Variants in CFAP65 observed in about 807,000 individuals in gnomAD.
The protein encoded by CFAP65 is cilia- and flagella-associated protein 65.
In CFAP65, 155 loss-of-function variants were observed where a neutral mutation model predicts 208.0. The observed-to-expected ratio is 0.75, with a 90% CI of 0.65 to 0.85. The LOEUF (loss-of-function observed/expected upper bound fraction) is 0.85, where lower values mean the gene tolerates loss of function less well. Among genes scored for constraint, CFAP65 ranks in the 40% least tolerant of loss-of-function variants. The probability of loss-of-function intolerance (pLI) is 0.00; values close to 1 mark genes in which losing one functional copy is unlikely to be tolerated. For missense variants in CFAP65, 2,294 were observed against 2,451.3 expected, an observed-to-expected ratio of 0.94 and a Z score of 1.36; for synonymous variants, 970 against 986.3, an observed-to-expected ratio of 0.98 and a Z score of 0.31.
In CFAP65 at chr2:219,038,753, C is replaced by T. The variant is rs544769418; in HGVS notation, c.153+143G>A. On this transcript the variant is annotated intron_variant, in intron 3 of 34. Coordinates refer to ENST00000341552, the MANE Select transcript of CFAP65 (RefSeq NM_194302.4). The stretch of plus-strand genomic sequence containing the variant: ...GCTGTACACGAGATCCAGGGCTTTG[C>T]CTGGGAGCCCAGGGACTCACCCTCA... 3.4e-5 allele frequency: 39 copies of T among 1,144,800 alleles called. No individual in the cohort carries two copies. In the East Asian group the frequency reaches 8.8e-4, roughly 26 times the overall value. The allele number at this position is 1,144,800 out of a possible 1,614,324, so 70.9% of individuals were successfully genotyped here.
At chr2:219,010,412 G>A in intron 26 of CFAP65, 134 bp downstream of exon 26, 2 of 944,430 alleles carry the variant, frequency 2.1e-6, no homozygotes, top group Non-Finnish European at 3.1e-6. Context: ...GAGTTCCAAG[G>A]TCTCATCTCT....
rs1947279351 is a variant in CFAP65 at position 219,021,776 on chromosome 2, G to A, written c.3130+4C>T. 1 of 1,613,188 alleles carries A rather than the reference G, an allele frequency of 6.2e-7. No individual in the cohort carries two copies. Among genetic ancestry groups the A allele is most frequent in the Non-Finnish European group, 8.5e-7 (1 of 1,179,888 alleles). ...GGCCCCAGTCCCAGCTCAGGCCCAA[G>A]TACCGAGGGGGTGGTTGTCAACGGC... On this transcript the variant is annotated splice_donor_region_variant and intron_variant, in intron 18 of 34. Coordinates refer to ENST00000341552, the MANE Select transcript of CFAP65 (RefSeq NM_194302.4).
In CFAP65 at chr2:219,010,635, G is replaced by T; in HGVS notation, c.4219C>A (p.Pro1407Thr). 6.2e-7 allele frequency: 1 copy of T among 1,612,030 alleles called. No homozygotes were observed. Among genetic ancestry groups the T allele is most frequent in the Non-Finnish European group, 8.5e-7 (1 of 1,179,558 alleles). Reference sequence around the variant, plus strand: ...GGGGCTGTGTCCCCCATCATATGGGGGTTGTAGCCCACTCCCTGGAAGTGG... The same window carrying T: ...GGGGCTGTGTCCCCCATCATATGGGTGTTGTAGCCCACTCCCTGGAAGTGG... ...LIHFQGVGYN[P>T]HMMGDTAPFH... Residue 1407 changes from proline (P) to threonine (T), a missense_variant, in exon 26 of 35, where the codon CCC becomes ACC. This residue lies in a region of CFAP65 where 1,427 missense variants were observed against 1,438.7 expected (regional missense o/e 0.99). Coordinates refer to ENST00000341552, the MANE Select transcript of CFAP65 (RefSeq NM_194302.4).
In CFAP65 at chr2:219,029,943, G is replaced by T. The variant is rs760953965; in HGVS notation, c.1384+43C>A. The T allele has an allele frequency of 3.8e-6, 6 of 1,571,466 alleles. 1 individual carries two copies. Among genetic ancestry groups the T allele is most frequent in the South Asian group, 2.2e-5 (2 of 89,950 alleles). On this transcript the variant is annotated intron_variant, in intron 10 of 34. Transcript: ENST00000341552. ...GGAGCTCTTCAGAATCCTCAGCAGG[G>T]GCTGCTCCTGTCCCCAGGGGAGGCC...
intron 18 of CFAP65, 73 bp from the exon 19 acceptor site, chr2:219,021,353 C>T: frequency 6.9e-7 from 1 of 1,451,192 alleles, no homozygotes; most frequent in Non-Finnish European, 9.1e-7. Context: ...TTTGTAGATA[C>T]CCTTCCCTGG....
rs1287555872 is a variant in CFAP65 at position 219,004,442 on chromosome 2, C to G, written c.5065G>C (p.Asp1689His). 2 of 1,608,992 alleles carry G rather than the reference C, an allele frequency of 1.2e-6. No individual in the cohort carries two copies. The highest frequency in any genetic ancestry group is 1.7e-6 in the Non-Finnish European group (2 of 1,177,364). Residue 1689 changes from aspartate to histidine, a missense_variant, in exon 33 of 35, where the codon GAC becomes CAC. Physicochemically the swap from Asp to His is moderately conservative, Grantham distance 81. This residue lies in a region of CFAP65 where 1,427 missense variants were observed against 1,438.7 expected (regional missense o/e 0.99). Coordinates refer to ENST00000341552, the MANE Select transcript of CFAP65 (RefSeq NM_194302.4). The surrounding 1 kb of genome is among the most constrained non-coding windows in gnomAD (Gnocchi z 4.7). ...TCCACAGCCTCATGGAAGTTCTTGTCTTCCAGCAGGCCCCTAGGTGGCAGG... is the reference window on the plus strand; with the variant it reads ...TCCACAGCCTCATGGAAGTTCTTGTGTTCCAGCAGGCCCCTAGGTGGCAGG... ...LTTIIRGLLE[D>H]KNFHEAVDQS... is the part of the protein sequence containing the mutation.
chr2:219,035,393 T>G (rs745845009), intron 5 of CFAP65, 87 bp downstream of exon 5: 3 of 1,611,286 alleles, frequency 1.9e-6, no homozygotes, highest in Admixed American at 1.7e-5. Context: ...TAAAGGTTTT[T>G]TTTGTTTGTT....
Position 219,024,091 on chromosome 2 carries a change from C to A in CFAP65, c.2519G>T (p.Cys840Phe), listed in dbSNP as rs1430155791. Residue 840 changes from cysteine (C) to phenylalanine (F), a missense_variant, in exon 15 of 35, where the codon TGC (cysteine) becomes TTC (phenylalanine). Cys to Phe is a radical substitution (Grantham distance 205). Coordinates refer to ENST00000341552, the MANE Select transcript of CFAP65 (RefSeq NM_194302.4). ...APGAHQIILI[C>F]TYPEGSSWKQ... Reference sequence around the variant, plus strand: ...CCAGGAGCTGCCCTCAGGGTAGGTGCAGATGAGGATGATCTGGTGGGCCCC... The same window carrying A: ...CCAGGAGCTGCCCTCAGGGTAGGTGAAGATGAGGATGATCTGGTGGGCCCC... The A allele has an allele frequency of 6.2e-7, 1 of 1,613,950 alleles. No individual in the cohort carries two copies. Among genetic ancestry groups the A allele is most frequent in the Non-Finnish European group, 8.5e-7 (1 of 1,180,046 alleles).
At chr2:219,023,157 G>A (rs1331586869) in intron 16 of CFAP65, 50 bp downstream of exon 16, 4 of 1,483,402 alleles carry the variant, frequency 2.7e-6, no homozygotes, top group Non-Finnish European at 3.7e-6. Flanking sequence ...ACAAATAAGA[G>A]ATGACAGAAG....
Position 219,024,440 on chromosome 2 carries a change from A to G in CFAP65, c.2350-180T>C, listed in dbSNP as rs540099764. 5.2e-5 allele frequency among the ~76,000 whole-genome samples: 6 copies of G among 115,006 alleles called. No homozygotes were observed. The South Asian group carries it at 1.8e-3, about 35-fold the overall frequency. 75.4% of individuals were successfully genotyped at this position (115,006 alleles called of 152,430 possible). On this transcript the variant is annotated intron_variant, in intron 14 of 34. Transcript: ENST00000341552. ...AGGAGGCCACGAGCTGACACCAAAG[A>G]ATGCTTTTGTTCTCCAGAGACCTCC...
intron 13 of CFAP65, chr2:219,026,712 G>A: frequency 1.1e-6 from 1 of 881,574 alleles, no homozygotes; most frequent in Non-Finnish European, 1.4e-6. Flanking sequence ...ATTGGGACCA[G>A]CCACATATTA....
In CFAP65 at chr2:219,030,116, C is replaced by T. The variant is rs572839249; in HGVS notation, c.1254G>A (p.Pro418=). Residue 418 remains proline, a synonymous_variant, in exon 10 of 35, where the codon CCG becomes CCA. Coordinates refer to ENST00000341552, the MANE Select transcript of CFAP65 (RefSeq NM_194302.4). ...ACACCGACACACATTTCTTCTCTCC[C>T]GGAAGCACGATGCCATGGGCCGTGG... The part of the protein sequence containing the change: ...SCPTAHGIVL[P]GEKKCVSVFF... 1.2e-5 allele frequency: 20 copies of T among 1,614,010 alleles called. No individual in the cohort carries two copies. Among genetic ancestry groups the T allele is most frequent in the Middle Eastern group, 1.6e-4 (1 of 6,082 alleles).
chr2:219,030,736 C>T lies in CFAP65; in HGVS notation c.1114G>A (p.Val372Met), dbSNP rs915608969. 2 of 1,614,072 alleles carry T rather than the reference C, an allele frequency of 1.2e-6. No homozygotes were observed. Among genetic ancestry groups the T allele is most frequent in the Admixed American group, 1.7e-5 (1 of 60,002 alleles). The change falls in exon 9 of 35, where the codon GTG (valine) becomes ATG (methionine). Residue 372 changes from valine (V) to methionine (M), a missense_variant. This residue lies in a region of CFAP65 where 867 missense variants were observed against 1,012.6 expected (regional missense o/e 0.86). Transcript: ENST00000341552. ...QKLLYFGSVA[V>M]GCTSERQIRL... ...ATCTGCCTCTCCGAGGTGCAGCCCA[C>T]AGCAACAGAGCCAAAGTACAACAGC...
Position 219,021,258 on chromosome 2 carries a change from C to T in CFAP65, c.3153G>A (p.Glu1051=), listed in dbSNP as rs1456546867. 3 of 1,602,838 alleles carry T rather than the reference C, an allele frequency of 1.9e-6. No homozygotes were observed. Among genetic ancestry groups the T allele is most frequent in the South Asian group, 1.1e-5 (1 of 88,672 alleles). Residue 1051 remains glutamate (E), a synonymous_variant, in exon 19 of 35, where the codon GAG becomes GAA. Coordinates refer to ENST00000341552, the MANE Select transcript of CFAP65 (RefSeq NM_194302.4). ...HPLALQLDRT[E]GSMPPRSQDT... is the part of the protein sequence containing the mutation. ...CCTGGGACCGGGGTGGCATGCTCCC[C>T]TCTGTTCGGTCCAGCTGCAGAGCTG...
Position 219,031,581 on chromosome 2 carries a change from G to T in CFAP65, c.723C>A (p.Cys241Ter). The change falls in exon 7 of 35, where the codon TGC becomes TGA. Residue 241 changes from cysteine to a stop codon, truncating the protein, a stop_gained. Transcript: ENST00000341552. LOFTEE classifies it high-confidence loss of function. The surrounding 1 kb of genome is among the most constrained non-coding windows in gnomAD (Gnocchi z 5.2). ...FCVGLRATLP[C>*]HRLICRPPSL... ...ATGGTGGGCGGCAGATCAGCCTGTG[G>T]CAGGGCAGGGTGGCCCGTAGGCCGA... The T allele has an allele frequency of 6.2e-7, 1 of 1,614,244 alleles. No homozygotes were observed.
chr2:219,003,941 T>C lies in CFAP65; in HGVS notation c.5555+11A>G. On this transcript the variant is annotated intron_variant, in intron 33 of 34. Coordinates refer to ENST00000341552, the MANE Select transcript of CFAP65 (RefSeq NM_194302.4). The surrounding 1 kb of genome is among the most constrained non-coding windows in gnomAD (Gnocchi z 4.4). ...CCTCCCTCCCGTCCTCACTGGGGCC[T>C]GGCTGCTCACCTTCTGATGGCCTCC... 1 of 1,605,164 alleles carries C rather than the reference T, an allele frequency of 6.2e-7. No individual in the cohort carries two copies. Among genetic ancestry groups the C allele is most frequent in the Non-Finnish European group, 8.5e-7 (1 of 1,174,442 alleles).
At position 219,032,258 on chromosome 2, in the gene CFAP65, G is replaced by A. The variant is rs189408576; in HGVS notation, c.645+212C>T. 2.8e-3 allele frequency among the ~76,000 whole-genome samples: 427 copies of A among 152,202 alleles called. 14 individuals are homozygous for A. Among genetic ancestry groups the A allele is most frequent in the Admixed American group, 0.025 (388 of 15,298 alleles). On this transcript the variant is annotated intron_variant, in intron 6 of 34. Transcript: ENST00000341552. This position sits in a 1 kb window ranked among gnomAD's most constrained non-coding sequence, Gnocchi z 5.5. The stretch of plus-strand genomic sequence containing the variant: ...ACTTTCTGATGGCCAATATAATATC[G>A]CAGCCTTTACCCCCAGCATCTCCTG...
intron 26 of CFAP65, 25 bp from the exon 27 acceptor site, chr2:219,010,110 G>C: frequency 2.6e-6 from 4 of 1,562,396 alleles, no homozygotes; most frequent in Non-Finnish European, 3.5e-6. Flanking sequence ...CGGAGGTAAA[G>C]AAATAAGAAC....
At position 219,021,816 on chromosome 2, in the gene CFAP65, G is replaced by C; in HGVS notation, c.3094C>G (p.Gln1032Glu). 1 of 1,613,810 alleles carries C rather than the reference G, an allele frequency of 6.2e-7. No individual in the cohort carries two copies. The highest frequency in any genetic ancestry group is 8.5e-7 in the Non-Finnish European group (1 of 1,179,998). The change falls in exon 18 of 35, where the codon CAG (glutamine) becomes GAG (glutamate). Residue 1032 changes from glutamine to glutamate, a missense_variant. By Grantham distance (29) the Gln-to-Glu change is conservative (BLOSUM62 2). Coordinates refer to ENST00000341552, the MANE Select transcript of CFAP65 (RefSeq NM_194302.4). ...CTLYYRLYLE[Q>E]GSPEAVDNHP... ...TTGTCAACGGCCTCAGGGCTGCCCT[G>C]CTCCAGGTAGAGGCGGTAATAGAGG...
Sources: gnomAD v4.1 joint callset for allele counts (sites outside exome capture counted in the v4.1 genomes callset) on GRCh38, gnomAD v4.1.1 for gene constraint, gnomAD v4.1.1 regional missense constraint, Gnocchi (gnomAD v3.1) non-coding constraint, MANE v1.5 for transcripts, NCBI Gene and HGNC (gene_info 2026-07-23, HGNC 2026-07-21) for gene names.